The following ZNF780A variants were observed in gnomAD, a reference collection of about 807,000 sequenced individuals.
ZNF780A encodes zinc finger protein 780A.
Under a neutral mutation model 56.7 loss-of-function variants are expected in ZNF780A, and 40 were observed. The ratio of observed to expected loss-of-function variants is 0.71; its 90% CI spans 0.55 to 0.92. The LOEUF is 0.92. Among genes scored for constraint, ZNF780A ranks in the 40% least tolerant of loss-of-function variants. The probability of loss-of-function intolerance (pLI) is 0.00; values close to 1 mark genes in which losing one functional copy is unlikely to be tolerated. For synonymous variants in ZNF780A, 231 were observed against 248.3 expected, an observed-to-expected ratio of 0.93 and a Z score of 0.66; for missense variants, 672 against 783.3, an observed-to-expected ratio of 0.86 and a Z score of 1.70.
At chr19:40,081,997 A>T in intron 4 of ZNF780A, 83 bp from the exon 5 acceptor site, 2 of 920,676 alleles carry the variant, frequency 2.2e-6, no homozygotes, top group South Asian at 3.1e-5. Flanking sequence ...TTAAACTTAC[A>T]ATAAATTACA....
intron 2 of ZNF780A, among the ~76,000 whole-genome samples, chr19:40,085,552 T>G (rs1432388365): frequency 6.6e-6 from 1 of 152,182 alleles, no homozygotes; most frequent in South Asian, 2.1e-4. Flanking sequence ...AGTTCTCCTC[T>G]GTGTATTGTA....
chr19:40,076,425 G>C (rs1465188914), intron 5 of ZNF780A, among the ~76,000 whole-genome samples: 6 of 152,156 alleles, frequency 3.9e-5, no homozygotes, highest in Non-Finnish European at 5.9e-5. Context: ...TTATGTACAT[G>C]TAAAAATAGG....
Position 40,074,395 on chromosome 19 carries a change from T to G in ZNF780A, c.*121A>C. The G allele has an allele frequency of 6.5e-7, 1 of 1,548,268 alleles. No individual in the cohort carries two copies. Among genetic ancestry groups the G allele is most frequent in the South Asian group, 1.3e-5 (1 of 77,906 alleles). On this transcript the variant is annotated 3_prime_UTR_variant, in exon 6 of 6. Transcript: ENST00000683561. ...GAATTTTCTGATGCTGAATAACGTT[T>G]GAACCACAAATGAAGCCTTTCCCAC...
At chr19:40,079,647 T>C (rs1012562590) in intron 5 of ZNF780A, among the ~76,000 whole-genome samples, 4 of 152,086 alleles carry the variant, frequency 2.6e-5, no homozygotes, top group African/African-American at 9.7e-5. Context: ...TTCTCAGACA[T>C]GGAATAGAAT....
chr19:40,069,596 A>G (rs1973749702), downstream of ZNF780A: 2 of 152,178 alleles, frequency 1.3e-5, no homozygotes, highest in Non-Finnish European at 2.9e-5. Context: ...GACCATCTCT[A>G]TAATAGTTCA....
downstream of ZNF780A, chr19:40,069,506 G>C (rs1210126398): frequency 6.6e-6 from 1 of 152,140 alleles, no homozygotes; most frequent in Non-Finnish European, 1.5e-5. Flanking sequence ...GAGATTTGGA[G>C]GGACAAATAT....
chr19:40,082,053 T>A (rs1974514605), intron 4 of ZNF780A, 139 bp from the exon 5 acceptor site: 1 of 531,590 alleles, frequency 1.9e-6, no homozygotes, highest in Non-Finnish European at 3.3e-6. Flanking sequence ...AGTGAGAGGT[T>A]GAGTAAGAGA....
At chr19:40,089,218 T>C (rs1343071715) in intron 2 of ZNF780A, 1 of 1,390,468 alleles carries the variant, frequency 7.2e-7, no homozygotes, top group East Asian at 2.6e-5. Flanking sequence ...GGTAATGCAT[T>C]GTTAATTAGC....
intron 5 of ZNF780A, among the ~76,000 whole-genome samples, chr19:40,077,989 A>G (rs932628719): frequency 2.0e-5 from 3 of 151,900 alleles, no homozygotes; most frequent in Non-Finnish European, 2.9e-5. Context: ...AAAGAATTCA[A>G]AATAATTATA....
At chr19:40,072,142 A>AT (rs1303520891), downstream of ZNF780A, 1 of 238,502 alleles carries the variant, frequency 4.2e-6, no homozygotes, top group African/African-American at 2.3e-5. Flanking sequence ...CATGACTAAA[A>AT]TCTACCGCGG....
intron 5 of ZNF780A, among the ~76,000 whole-genome samples, chr19:40,080,617 T>C (rs918886091): frequency 4.2e-4 from 64 of 152,236 alleles, no homozygotes; most frequent in African/African-American, 1.4e-3. Flanking sequence ...AAATGGGAGC[T>C]AAACACCGAG....
At chr19:40,084,941 A>C (rs1449363122) in intron 2 of ZNF780A, 143 bp from the exon 3 acceptor site, 15 of 1,122,140 alleles carry the variant, frequency 1.3e-5, no homozygotes, top group East Asian at 1.0e-4. Flanking sequence ...CCTTGCCCCC[A>C]CACACACTCT....
chr19:40,090,351 G>A (rs1445879251), intron 1 of ZNF780A, 116 bp from the exon 2 acceptor site: 1 of 152,186 alleles, frequency 6.6e-6, no homozygotes, highest in African/African-American at 2.4e-5. Context: ...AAATAGGAAG[G>A]AAGTAAAAGG....
rs770544489 is a variant in ZNF780A, at chr19:40,075,104, T to G, written c.1338A>C (p.Val446=). ...QKIHSNEKPF[V]CRECEMAFRY... ...TAAAGGCCATCTCACATTCCCTACATACAAAAGGTTTCTCATTGGAATGAA... is the reference window on the plus strand; with the variant it reads ...TAAAGGCCATCTCACATTCCCTACAGACAAAAGGTTTCTCATTGGAATGAA... The change falls in exon 6 of 6, where the codon GTA becomes GTC. Residue 446 remains valine (V), a synonymous_variant. Coordinates refer to ENST00000683561, the MANE Select transcript of ZNF780A (RefSeq NM_001142578.2). The G allele has an allele frequency of 2.5e-6, 4 of 1,614,028 alleles. No individual in the cohort carries two copies. Among genetic ancestry groups the G allele is most frequent in the Non-Finnish European group, 3.4e-6 (4 of 1,180,034 alleles).
Position 40,081,894 on chromosome 19 carries a change from C to G in ZNF780A, c.157G>C (p.Asp53His). ...ISLGSSISKP[D>H]VITLLEQEKE... ...TCTTGCTCTAGTAACGTAATTACAT[C>G]TGGTTTAGAAATGGAACTTCCTGCT... The change falls in exon 5 of 6, where the codon GAT (aspartate) becomes CAT (histidine). Residue 53 changes from aspartate to histidine, a missense_variant. Asp to His is a moderately conservative substitution (Grantham distance 81, BLOSUM62 -1). Coordinates refer to ENST00000683561, the MANE Select transcript of ZNF780A (RefSeq NM_001142578.2). 6.2e-7 allele frequency: 1 copy of G among 1,611,098 alleles called. No homozygotes were observed. Among genetic ancestry groups the G allele is most frequent in the East Asian group, 2.2e-5 (1 of 44,772 alleles).
In ZNF780A at chr19:40,075,926, T is replaced by C. The variant is rs781468974; in HGVS notation, c.516A>G (p.Lys172=). Residue 172 remains lysine (K), a synonymous_variant, in exon 6 of 6, where the codon AAA becomes AAG. Coordinates refer to ENST00000683561, the MANE Select transcript of ZNF780A (RefSeq NM_001142578.2). ...TAAGATTTGCACTACGACTAAAGTA[T>C]TTCCCACATTCCTTACATTCATACG... The part of the protein sequence containing the change: ...HKPYECKECG[K]YFSRSANLIQ... 2 of 1,614,056 alleles carry C rather than the reference T, an allele frequency of 1.2e-6. No homozygotes were observed. Among genetic ancestry groups the C allele is most frequent in the Admixed American group, 3.3e-5 (2 of 60,024 alleles).
In ZNF780A at chr19:40,074,202, T is replaced by A; in HGVS notation, c.*314A>T. 12 of 1,415,140 alleles carry A rather than the reference T, an allele frequency of 8.5e-6. No homozygotes were observed. Among genetic ancestry groups the A allele is most frequent in the Non-Finnish European group, 1.1e-5 (12 of 1,075,028 alleles). 87.7% of individuals were successfully genotyped at this position (1,415,140 alleles called of 1,614,324 possible). Reference sequence around the variant, plus strand: ...AAATTCAAATGGCTTCTCGCCAGTATGAATGACCTGAAGTCCAGCAAGCTG... The same window carrying A: ...AAATTCAAATGGCTTCTCGCCAGTAAGAATGACCTGAAGTCCAGCAAGCTG... On this transcript the variant is annotated 3_prime_UTR_variant, in exon 6 of 6. Coordinates refer to ENST00000683561, the MANE Select transcript of ZNF780A (RefSeq NM_001142578.2).
intron 5 of ZNF780A, among the ~76,000 whole-genome samples, chr19:40,079,966 A>T (rs779345750): frequency 9.2e-5 from 14 of 152,148 alleles, no homozygotes; most frequent in Non-Finnish European, 2.1e-4. Flanking sequence ...CAATGAAATG[A>T]AAGGTTGTTT....
chr19:40,075,266 C>T lies in ZNF780A; in HGVS notation c.1176G>A (p.Lys392=). ...TACGATTAAAGGACTTCCCACATTC[C>T]TTACATTCAAACGGTTTTTCACCTG... ...IHTGEKPFEC[K]ECGKSFNRSS... The change falls in exon 6 of 6, where the codon AAG becomes AAA. Residue 392 remains lysine, a synonymous_variant. Coordinates refer to ENST00000683561, the MANE Select transcript of ZNF780A (RefSeq NM_001142578.2). 1 of 1,613,498 alleles carries T rather than the reference C, an allele frequency of 6.2e-7. No homozygotes were observed. Among genetic ancestry groups the T allele is most frequent in the Non-Finnish European group, 8.5e-7 (1 of 1,179,872 alleles).
Sources: gnomAD v4.1 joint callset for allele counts (sites outside exome capture counted in the v4.1 genomes callset) on GRCh38, gnomAD v4.1.1 for gene constraint, MANE v1.5 for transcripts, NCBI Gene and HGNC (gene_info 2026-07-23, HGNC 2026-07-21) for gene names.